Variants in PRMT8 observed in about 807,000 individuals in gnomAD.
The protein encoded by PRMT8 is protein arginine N-methyltransferase 8.
PRMT8 carries 7 observed loss-of-function variants against 47.1 expected under a neutral mutation model. That is an observed-to-expected ratio of 0.15 (90% CI 0.08 to 0.28). The LOEUF (loss-of-function observed/expected upper bound fraction) is 0.28, where lower values mean the gene tolerates loss of function less well. PRMT8 is among the 10% of genes least tolerant of loss of function. The probability of loss-of-function intolerance (pLI) is 1.00; values close to 1 mark genes in which losing one functional copy is unlikely to be tolerated. For missense variants in PRMT8, 237 were observed against 505.4 expected, an observed-to-expected ratio of 0.47 and a Z score of 5.09; for synonymous variants, 188 against 186.5, an observed-to-expected ratio of 1.01 and a Z score of -0.07.
Position 3,508,587 on chromosome 12 carries a change from C to T in PRMT8, c.75+16887C>T, listed in dbSNP as rs974404476. On this transcript the variant is annotated intron_variant, in intron 1 of 9. Transcript: ENST00000382622. This position sits in a 1 kb window ranked among gnomAD's most constrained non-coding sequence, Gnocchi z 4.9. ...ACGTTATGCAGCCCTGACTTTGCAG[C>T]TGATGTGCTTCGTTGATTCTGTGAG... Among the ~76,000 whole-genome samples, 2 of 152,166 alleles carry T rather than the reference C, an allele frequency of 1.3e-5. No individual in the cohort carries two copies. The highest frequency in any genetic ancestry group is 2.9e-5 in the Non-Finnish European group (2 of 68,034).
chr12:3,491,213 G>A lies in PRMT8; in HGVS notation c.-413G>A. 2.0e-6 allele frequency: 2 copies of A among 998,568 alleles called. No homozygotes were observed. The highest frequency in any genetic ancestry group is 2.4e-6 in the Non-Finnish European group (2 of 838,618). 61.9% of individuals were successfully genotyped at this position (998,568 alleles called of 1,614,324 possible). ...CGCAGGAAGCGTGTTGCTTCGCCCA[G>A]CGGATCGGCAGAAGTTGAGAGGAGT... On this transcript the variant is annotated 5_prime_UTR_variant, in exon 1 of 10. Coordinates refer to ENST00000382622, the MANE Select transcript of PRMT8 (RefSeq NM_019854.5).
At chr12:3,590,157 C>T (rs1867268169) in intron 8 of PRMT8, among the ~76,000 whole-genome samples, 1 of 152,226 alleles carries the variant, frequency 6.6e-6, no homozygotes, top group South Asian at 2.1e-4. Context: ...CATGATCCTC[C>T]TTCCCTTTCC....
Position 3,508,502 on chromosome 12 carries a change from G to A in PRMT8, c.75+16802G>A, listed in dbSNP as rs561632370. ...GTGAGAAACATGTTAAGGTGAGGCC[G>A]GGCGTGGGAATAGTTGAGGGAGAGT... On this transcript the variant is annotated intron_variant, in intron 1 of 9. Transcript: ENST00000382622. This position sits in a 1 kb window ranked among gnomAD's most constrained non-coding sequence, Gnocchi z 4.9. Among the ~76,000 whole-genome samples, 2 of 152,300 alleles carry A rather than the reference G, an allele frequency of 1.3e-5. No homozygotes were observed. Among genetic ancestry groups the A allele is most frequent in the South Asian group, 2.1e-4 (1 of 4,812 alleles).
At chr12:3,387,949 A>T (rs1864157255) in intron 1 of PRMT8, among the ~76,000 whole-genome samples, 1 of 152,188 alleles carries the variant, frequency 6.6e-6, no homozygotes, top group Admixed American at 6.5e-5. Flanking sequence ...AGGAAAGTTA[A>T]CATTAAAATA....
intron 1 of PRMT8, among the ~76,000 whole-genome samples, chr12:3,498,362 G>C (rs1865539634): frequency 6.6e-6 from 1 of 152,226 alleles, no homozygotes; most frequent in Non-Finnish European, 1.5e-5. Flanking sequence ...AAGAGAAAGG[G>C]TGGAGAAATT....
chr12:3,464,281 A>AC (rs1033428002), intron 1 of PRMT8, among the ~76,000 whole-genome samples: 2 of 151,406 alleles, frequency 1.3e-5, no homozygotes, highest in African/African-American at 4.9e-5. Flanking sequence ...AAAAAAAAAA[A>AC]ACAAACTGCA....
At chr12:3,410,375 C>T (rs1409879871) in intron 1 of PRMT8, among the ~76,000 whole-genome samples, 1 of 152,228 alleles carries the variant, frequency 6.6e-6, no homozygotes, top group Non-Finnish European at 1.5e-5. Context: ...CTCCCAGCTT[C>T]CTCTCTGCAA....
chr12:3,467,475 T>C (rs1860424), intron 1 of PRMT8, among the ~76,000 whole-genome samples: 143,431 of 151,868 alleles, frequency 0.94, 68,053 homozygotes, highest in East Asian at 0.99. Flanking sequence ...AACTTTAAAG[T>C]GAGCCGTTCT....
chr12:3,579,662 A>T (rs1280480561), intron 7 of PRMT8, among the ~76,000 whole-genome samples: 2 of 152,176 alleles, frequency 1.3e-5, no homozygotes, highest in Non-Finnish European at 2.9e-5. Flanking sequence ...GTGCTAGGCA[A>T]CATCTTGCCG....
chr12:3,590,475 T>C (rs554299860), intron 8 of PRMT8, among the ~76,000 whole-genome samples: 182 of 152,206 alleles, frequency 1.2e-3, no homozygotes, highest in Middle Eastern at 3.4e-3. Context: ...TCTTGGTAAA[T>C]TAAAAATCTG....
rs935948372 is a variant in PRMT8, at chr12:3,593,608, G to A, written c.*426G>A. 6 of 231,772 alleles carry A rather than the reference G, an allele frequency of 2.6e-5. No individual in the cohort carries two copies. Among genetic ancestry groups the A allele is most frequent in the African/African-American group, 7.1e-5 (3 of 42,528 alleles). The allele number at this position is 231,772 out of a possible 1,614,324, so 14.4% of individuals were successfully genotyped here. ...CATAAGCCAGATTATCTGTGTGTGC[G>A]GTGGTGTGCGTGTGCGTGCATGTGT... On this transcript the variant is annotated 3_prime_UTR_variant, in exon 10 of 10. Coordinates refer to ENST00000382622, the MANE Select transcript of PRMT8 (RefSeq NM_019854.5). This position sits in a 1 kb window ranked among gnomAD's most constrained non-coding sequence, Gnocchi z 4.8.
At chr12:3,488,450 G>A (rs1185919447), upstream of PRMT8, among the ~76,000 whole-genome samples, 4 of 152,140 alleles carry the variant, frequency 2.6e-5, no homozygotes, top group African/African-American at 7.2e-5. Flanking sequence ...CTACCCATTT[G>A]ACTCACACAC....
chr12:3,476,112 C>CT (rs1338953797), intron 1 of PRMT8, among the ~76,000 whole-genome samples: 1 of 152,146 alleles, frequency 6.6e-6, no homozygotes, highest in Non-Finnish European at 1.5e-5. Flanking sequence ...CCTCTAAACA[C>CT]TGAGTTTCCA....
intron 1 of PRMT8, among the ~76,000 whole-genome samples, chr12:3,522,926 C>T (rs914201391): frequency 2.6e-5 from 4 of 152,120 alleles, no homozygotes; most frequent in East Asian, 1.9e-4. Context: ...AAGCAGGCTC[C>T]GTCATTGGGG....
intron 4 of PRMT8, among the ~76,000 whole-genome samples, chr12:3,567,314 C>T (rs1300693071): frequency 3.9e-5 from 6 of 152,178 alleles, no homozygotes; most frequent in Admixed American, 6.5e-5. Context: ...TGTCTAAAGT[C>T]GTACAGCTAA....
At chr12:3,507,339 T>C (rs1361557865) in intron 1 of PRMT8, among the ~76,000 whole-genome samples, 1 of 152,094 alleles carries the variant, frequency 6.6e-6, no homozygotes, top group Non-Finnish European at 1.5e-5. Context: ...GCCAGGATGG[T>C]CTCGATCTCC....
intron 4 of PRMT8, among the ~76,000 whole-genome samples, chr12:3,565,815 G>A (rs1030982622): frequency 1.3e-5 from 2 of 152,168 alleles, no homozygotes; most frequent in Non-Finnish European, 2.9e-5. Flanking sequence ...GGGGACACCT[G>A]AGGAATATTT....
chr12:3,569,397 ACT>A lies in PRMT8; in HGVS notation c.625-77_625-76del. 1 of 1,178,874 alleles carries A rather than the reference ACT, an allele frequency of 8.5e-7. No individual in the cohort carries two copies. The highest frequency in any genetic ancestry group is 1.2e-5 in the South Asian group (1 of 81,640). 73.0% of individuals were successfully genotyped at this position (1,178,874 alleles called of 1,614,324 possible). ...GTGGCAAGGGGGTGCTTGTCTGGTG[ACT>A]CTATGTGCAGTTCAAAATGTGATGT... On this transcript the variant is annotated intron_variant, in intron 5 of 9. Transcript: ENST00000382622. The surrounding 1 kb of genome is among the most constrained non-coding windows in gnomAD (Gnocchi z 8.2).
intron 1 of PRMT8, among the ~76,000 whole-genome samples, chr12:3,415,931 C>T (rs1048377770): frequency 1.3e-5 from 2 of 152,114 alleles, no homozygotes; most frequent in Non-Finnish European, 1.5e-5. Context: ...GGGCTCTCCC[C>T]GCAGGACAGG....
Sources: allele counts gnomAD v4.1 joint callset (sites outside exome capture counted in the v4.1 genomes callset), GRCh38; gene constraint gnomAD v4.1.1; non-coding constraint Gnocchi (gnomAD v3.1); transcripts MANE v1.5; gene names NCBI Gene and HGNC (gene_info 2026-07-23, HGNC 2026-07-21).